ABCB1: variants seen among roughly 807,000 people sequenced by gnomAD.
ABCB1 encodes ATP binding cassette subfamily B member 1.
A neutral mutation model predicts 142.0 loss-of-function variants in ABCB1; 69 were observed. The observed-to-expected ratio is 0.49, with a 90% CI of 0.40 to 0.59. ABCB1 has a LOEUF of 0.59. Ranked by LOEUF, ABCB1 falls within the 20% of genes least tolerant of loss-of-function variation. ABCB1 has a pLI of 0.00. For missense variants in ABCB1, 1,326 were observed against 1,554.7 expected (o/e 0.85, Z 2.47); for synonymous variants, 532 against 539.2 (o/e 0.99, Z 0.18).
chr7:87,639,310 G>A (rs1410513848), intron 1 of ABCB1, among the ~76,000 whole-genome samples: 1 of 152,146 alleles, frequency 6.6e-6, no homozygotes, highest in Non-Finnish European at 1.5e-5. Flanking sequence ...GCTTTATGAT[G>A]CAGTATATGG....
intron 21 of ABCB1, chr7:87,522,437 T>A: frequency 1.6e-6 from 1 of 615,904 alleles, no homozygotes; most frequent in Non-Finnish European, 3.1e-6. Context: ...GAAACAAATC[T>A]TAGCAGGAGA....
intron 1 of ABCB1, among the ~76,000 whole-genome samples, chr7:87,660,771 TA>T (rs1281397465): frequency 1.3e-5 from 2 of 151,994 alleles, no homozygotes; most frequent in African/African-American, 4.8e-5. Flanking sequence ...ATATTTTCAT[TA>T]ATACTCATTT....
intron 1 of ABCB1, among the ~76,000 whole-genome samples, chr7:87,665,499 G>A (rs1394384466): frequency 1.3e-5 from 2 of 152,052 alleles, no homozygotes; most frequent in Non-Finnish European, 2.9e-5. Flanking sequence ...ATTGTTAAAT[G>A]TCCATACTAC....
rs138503485 is a variant in ABCB1, at chr7:87,519,328, C to T, written c.2925G>A (p.Leu975=). 7.4e-5 allele frequency: 120 copies of T among 1,613,812 alleles called. No homozygotes were observed. The highest frequency in any genetic ancestry group is 8.7e-5 in the Non-Finnish European group (103 of 1,179,850). ...AHKLMSFEDV[L]LVFSAVVFGA... ...CTAAATAATAGCCCAATACTTACAA[C>T]AGAACATCCTCAAAGCTCATGAGTT... The change falls in exon 23 of 28, where the codon CTG becomes CTA. Residue 975 remains leucine (L), a splice_region_variant and synonymous_variant. Transcript: ENST00000622132.
intron 1 of ABCB1, among the ~76,000 whole-genome samples, chr7:87,697,692 A>T (rs895195141): frequency 6.6e-6 from 1 of 152,212 alleles, no homozygotes; most frequent in Non-Finnish European, 1.5e-5. Context: ...TGAATTTAGT[A>T]TGCACTAGAC....
At chr7:87,562,733 G>A (rs944540427) in intron 7 of ABCB1, among the ~76,000 whole-genome samples, 1 of 146,938 alleles carries the variant, frequency 6.8e-6, no homozygotes, top group Non-Finnish European at 1.5e-5. Context: ...ATTAAGTGTT[G>A]TGTTTTTCAG....
chr7:87,544,807 G>GC lies in ABCB1; in HGVS notation c.2064+15dup. 1 of 1,613,576 alleles carries GC rather than the reference G, an allele frequency of 6.2e-7. No homozygotes were observed. Among genetic ancestry groups the GC allele is most frequent in the Non-Finnish European group, 8.5e-7 (1 of 1,179,834 alleles). ...AGTTAGTGAGATTAAAACAAACTCC[G>GC]CATCTCCCTTCATACCAGAGCCTCT... On this transcript the variant is annotated intron_variant, in intron 16 of 27. Coordinates refer to ENST00000622132, the MANE Select transcript of ABCB1 (RefSeq NM_001348946.2).
chr7:87,695,145 G>A (rs975468314), intron 1 of ABCB1, among the ~76,000 whole-genome samples: 1 of 152,044 alleles, frequency 6.6e-6, no homozygotes, highest in African/African-American at 2.4e-5. Flanking sequence ...AATTTAAAGT[G>A]TAACTAATTA....
chr7:87,542,671 T>C (rs974885584), intron 17 of ABCB1, among the ~76,000 whole-genome samples: 3 of 145,042 alleles, frequency 2.1e-5, no homozygotes, highest in African/African-American at 5.1e-5. Flanking sequence ...TTTTTTTTTT[T>C]CTCTGATGAC....
intron 27 of ABCB1, 149 bp downstream of exon 27, chr7:87,505,748 T>A: frequency 4.2e-6 from 4 of 954,332 alleles, no homozygotes; most frequent in Non-Finnish European, 6.5e-6. Flanking sequence ...CTCTCCTGAA[T>A]AACAGCTACA....
At chr7:87,571,149 A>G (rs1316057361) in intron 4 of ABCB1, among the ~76,000 whole-genome samples, 1 of 152,218 alleles carries the variant, frequency 6.6e-6, no homozygotes, top group Non-Finnish European at 1.5e-5. Flanking sequence ...TCTGATTTCA[A>G]CTGGTATGGA....
intron 1 of ABCB1, among the ~76,000 whole-genome samples, chr7:87,673,540 G>A (rs142445557): frequency 2.5e-4 from 38 of 152,212 alleles, no homozygotes; most frequent in Admixed American, 2.3e-3. Flanking sequence ...TGAAATTCTC[G>A]AAGTGTGCAT....
chr7:87,655,569 A>G (rs1305935489), intron 1 of ABCB1, among the ~76,000 whole-genome samples: 1 of 152,170 alleles, frequency 6.6e-6, no homozygotes, highest in Admixed American at 6.6e-5. Flanking sequence ...TGCTGGAAGG[A>G]GAGGGATCAG....
chr7:87,597,163 T>C (rs1009282107), intron 2 of ABCB1, among the ~76,000 whole-genome samples: 4 of 152,024 alleles, frequency 2.6e-5, no homozygotes, highest in Non-Finnish European at 1.5e-5. Context: ...CACCAAACTA[T>C]AAGGTGCAAC....
At chr7:87,638,215 A>C (rs1404520803) in intron 1 of ABCB1, among the ~76,000 whole-genome samples, 1 of 152,114 alleles carries the variant, frequency 6.6e-6, no homozygotes, top group Non-Finnish European at 1.5e-5. Flanking sequence ...TTAGGGTGTT[A>C]ATATTTTGGG....
chr7:87,632,122 A>G (rs1821284135), intron 1 of ABCB1, among the ~76,000 whole-genome samples: 2 of 152,112 alleles, frequency 1.3e-5, no homozygotes, highest in South Asian at 2.1e-4. Context: ...CAAAAAAAAA[A>G]AAAGTCACCA....
chr7:87,511,936 AT>A (rs1815031269), intron 25 of ABCB1, among the ~76,000 whole-genome samples: 1 of 152,190 alleles, frequency 6.6e-6, no homozygotes, highest in Admixed American at 6.5e-5. Context: ...AGCAGGGGTG[AT>A]TTAACAGTGA....
chr7:87,631,380 T>C (rs952948816), intron 1 of ABCB1, among the ~76,000 whole-genome samples: 2 of 152,216 alleles, frequency 1.3e-5, no homozygotes, highest in Non-Finnish European at 2.9e-5. Context: ...TTATGAATTC[T>C]TTTTTTAATT....
intron 17 of ABCB1, among the ~76,000 whole-genome samples, chr7:87,542,082 G>A (rs1016058933): frequency 6.6e-6 from 1 of 152,126 alleles, no homozygotes; most frequent in African/African-American, 2.4e-5. Flanking sequence ...CCATTCCTCA[G>A]GGAAAGAAAA....
Sources: gnomAD v4.1 joint callset for allele counts (sites outside exome capture counted in the v4.1 genomes callset) on GRCh38, gnomAD v4.1.1 for gene constraint, MANE v1.5 for transcripts, NCBI Gene and HGNC (gene_info 2026-07-23, HGNC 2026-07-21) for gene names.